The following SAMD11 variants were observed in gnomAD, a reference collection of about 807,000 sequenced individuals.
SAMD11 encodes the protein sterile alpha motif domain-containing protein 11.
SAMD11 carries 77 observed loss-of-function variants against 64.4 expected under a neutral mutation model. That is an observed-to-expected ratio of 1.20 (90% CI 0.99 to 1.44). SAMD11 has a LOEUF of 1.44. Ranked by LOEUF, SAMD11 falls within the 40% of genes most tolerant of loss-of-function variation. SAMD11 has a pLI of 0.00. For synonymous variants in SAMD11, 658 were observed against 421.9 expected (o/e 1.56, Z -6.86); for missense variants, 1,402 against 943.3 (o/e 1.49, Z -6.37).
intron 3 of SAMD11, among the ~76,000 whole-genome samples, 157 bp from the exon 4 acceptor site, chr1:930,882 C>T (rs1221870427): frequency 6.6e-6 from 1 of 152,280 alleles, no homozygotes; most frequent in South Asian, 2.1e-4. Flanking sequence ...GAGCCAGTAG[C>T]AGGTGGTGCT....
At chr1:927,388 C>T (rs1002836731) in intron 2 of SAMD11, among the ~76,000 whole-genome samples, 2 of 152,140 alleles carry the variant, frequency 1.3e-5, no homozygotes, top group Non-Finnish European at 2.9e-5. Flanking sequence ...CAGTCTCTTC[C>T]GACAGTGCTT....
chr1:924,319 G>A lies in SAMD11; in HGVS notation c.-113G>A, dbSNP rs1351137907. 8 of 149,586 alleles carry A rather than the reference G, an allele frequency of 5.3e-5. No homozygotes were observed. The highest frequency in any genetic ancestry group is 1.7e-4 in the African/African-American group (7 of 41,246). 9.3% of individuals were successfully genotyped at this position (149,586 alleles called of 1,614,324 possible). ...CGGGCGCCGGGGCGCACTAGCGGAC[G>A]GCGTGGGCGCGCGGCCAGGCGCCTC... is the stretch of plus-strand genomic sequence containing the variant. On this transcript the variant is annotated 5_prime_UTR_variant, in exon 1 of 14. Transcript: ENST00000616016.
chr1:937,176 G>A (rs993581294), intron 5 of SAMD11, among the ~76,000 whole-genome samples: 1 of 152,118 alleles, frequency 6.6e-6, no homozygotes, highest in Non-Finnish European at 1.5e-5. Flanking sequence ...CCTGGGGGGC[G>A]TTCACCTCTT....
At chr1:934,121 GGGGAGGCGGCTGCGTTACAGGTGGGCA>G in intron 4 of SAMD11, among the ~76,000 whole-genome samples, 1 of 174 alleles carries the variant, frequency 5.7e-3, no homozygotes, top group African/African-American at 7.1e-3. Context: ...CAGGTGGGCA[GGGGAGGCGGCTGCGTTACAGGTGGGCA>G]GGGGAGGCGG....
intron 5 of SAMD11, among the ~76,000 whole-genome samples, chr1:936,227 G>A (rs768074398): frequency 1.1e-4 from 17 of 151,998 alleles, no homozygotes; most frequent in South Asian, 4.1e-4. Context: ...CGCAGCGCAC[G>A]CATGACTGGT....
chr1:927,477 C>T (rs1392725120), intron 2 of SAMD11, among the ~76,000 whole-genome samples: 1 of 152,176 alleles, frequency 6.6e-6, no homozygotes, highest in African/African-American at 2.4e-5. Context: ...CCCTGCCCTG[C>T]GTGAGGGACG....
At chr1:926,675 G>A (rs1027292888) in intron 2 of SAMD11, among the ~76,000 whole-genome samples, 14 of 152,148 alleles carry the variant, frequency 9.2e-5, no homozygotes, top group African/African-American at 3.4e-4. Flanking sequence ...CGGGGATGCT[G>A]GGAGCTGCCT....
In SAMD11 at chr1:944,374, G is replaced by A. The variant is rs1028577797; in HGVS notation, c.*221G>A. ...ACGAGGTCTGCAGACGGAGGGCAGA[G>A]GTGGTGGAAGGGGCCAGGGGCCTGC... is the stretch of plus-strand genomic sequence containing the variant. On this transcript the variant is annotated 3_prime_UTR_variant, in exon 14 of 14. Transcript: ENST00000616016. 25 of 1,348,076 alleles carry A rather than the reference G, an allele frequency of 1.9e-5. No individual in the cohort carries two copies. The African/African-American group carries it at 3.2e-4, about 17-fold the overall frequency. 83.5% of individuals were successfully genotyped at this position (1,348,076 alleles called of 1,614,324 possible).
chr1:942,606 C>T lies in SAMD11; in HGVS notation c.1601C>T (p.Ala534Val), dbSNP rs565200175. The T allele has an allele frequency of 2.1e-6, 3 of 1,436,358 alleles. No homozygotes were observed. The highest frequency in any genetic ancestry group is 1.4e-5 in the South Asian group (1 of 72,300). 89.0% of individuals were successfully genotyped at this position (1,436,358 alleles called of 1,614,324 possible). A position where few individuals can be genotyped will look rare whatever the true frequency, so the allele number is the denominator to read the frequency against. ...DLLRQKELES[A>V]RPQLLAPETA... ...CTGCGGCAGAAGGAGCTGGAGAGCG[C>T]GCGCCCACAGCTGCTGGCGCCCGAG... The change falls in exon 11 of 14, where the codon GCG (alanine) becomes GTG (valine). Residue 534 changes from alanine to valine, a missense_variant. By Grantham distance (64) the Ala-to-Val change is moderately conservative. Transcript: ENST00000616016.
chr1:936,229 A>G (rs1641436866), intron 5 of SAMD11, among the ~76,000 whole-genome samples: 1 of 151,772 alleles, frequency 6.6e-6, no homozygotes, highest in South Asian at 2.1e-4. Flanking sequence ...CAGCGCACGC[A>G]TGACTGGTCC....
chr1:941,564 A>AC (rs907838122), intron 8 of SAMD11, among the ~76,000 whole-genome samples: 3 of 151,594 alleles, frequency 2.0e-5, no homozygotes, highest in Non-Finnish European at 4.4e-5. Flanking sequence ...CAAGTCTGGA[A>AC]CCCCGGGGTC....
chr1:943,076 C>T lies in SAMD11; in HGVS notation c.2053+18C>T, dbSNP rs755524266. 6.5e-7 allele frequency: 1 copy of T among 1,546,820 alleles called. No homozygotes were observed. Among genetic ancestry groups the T allele is most frequent in the Non-Finnish European group, 8.7e-7 (1 of 1,147,060 alleles). On this transcript the variant is annotated intron_variant, in intron 11 of 13. Transcript: ENST00000616016. ...CCACACAGGTGGGCACCCCCACACT[C>T]TAGATCCTTCCAGAGGGCACAGGAC...
intron 11 of SAMD11, 68 bp from the exon 12 acceptor site, chr1:943,185 C>G (rs548173587): frequency 1.9e-6 from 3 of 1,605,506 alleles, no homozygotes; most frequent in African/African-American, 1.3e-5. Context: ...TTGGGGCACA[C>G]GACGGTCAGG....
chr1:942,886 G>A lies in SAMD11; in HGVS notation c.1881G>A (p.Glu627=), dbSNP rs1557610701. The change falls in exon 11 of 14, where the codon GAG becomes GAA. Residue 627 remains glutamate, a synonymous_variant. Coordinates refer to ENST00000616016, the MANE Select transcript of SAMD11 (RefSeq NM_001385641.1). ...RLWAQDGSED[E]PPKDSDGEDP... is the part of the protein sequence containing the mutation. ...GGGCACAAGATGGCTCGGAAGACGA[G>A]CCCCCCAAAGACTCGGACGGAGAGG... 1.3e-6 allele frequency: 2 copies of A among 1,555,436 alleles called. No individual in the cohort carries two copies. The highest frequency in any genetic ancestry group is 1.2e-5 in the South Asian group (1 of 84,490).
chr1:939,077 T>C lies in SAMD11; in HGVS notation c.1005T>C (p.Arg335=), dbSNP rs144608636. ...GCAAGAGGCTGGGCCGCTCCCCCCG[T>C]ATCAGCAGCGACTGCTTTTCAGAGA... The part of the protein sequence containing the change: ...LLGKRLGRSP[R]ISSDCFSEKR... The change falls in exon 6 of 14, where the codon CGT becomes CGC. Residue 335 remains arginine, a synonymous_variant. Coordinates refer to ENST00000616016, the MANE Select transcript of SAMD11 (RefSeq NM_001385641.1). The C allele has an allele frequency of 4.4e-5, 71 of 1,606,036 alleles. No homozygotes were observed. The African/African-American group carries it at 9.0e-4, about 20-fold the overall frequency.
At chr1:943,587 C>A in intron 12 of SAMD11, 111 bp from the exon 13 acceptor site, 1 of 1,067,746 alleles carries the variant, frequency 9.4e-7, no homozygotes, top group African/African-American at 1.7e-5. Flanking sequence ...CCCAACAGAT[C>A]ACTGTTTTTA....
Position 944,067 on chromosome 1 carries a change from C to T in SAMD11, c.2449C>T (p.Leu817Phe), listed in dbSNP as rs1289885731. The change falls in exon 14 of 14, where the codon CTT (leucine) becomes TTT (phenylalanine). Residue 817 changes from leucine to phenylalanine, a missense_variant. Coordinates refer to ENST00000616016, the MANE Select transcript of SAMD11 (RefSeq NM_001385641.1). ...ATSPYGGGHA[L>F]AGQTSPKQEN... ...GTCCCCCTATGGAGGGGGCCACGCCCTTGCCGGTCAAACTTCACCCAAGCA... is the reference window on the plus strand; with the variant it reads ...GTCCCCCTATGGAGGGGGCCACGCCTTTGCCGGTCAAACTTCACCCAAGCA... The T allele has an allele frequency of 1.9e-6, 3 of 1,612,634 alleles. No individual in the cohort carries two copies. The highest frequency in any genetic ancestry group is 2.2e-5 in the East Asian group (1 of 44,866).
chr1:940,269 G>A (rs1024895302), intron 7 of SAMD11: 2 of 148,326 alleles, frequency 1.3e-5, no homozygotes, highest in African/African-American at 4.9e-5. Context: ...CCGCCGGGGA[G>A]CGCGCTGTCA....
chr1:929,194 C>G (rs889675779), intron 2 of SAMD11, among the ~76,000 whole-genome samples: 1 of 152,208 alleles, frequency 6.6e-6, no homozygotes, highest in Admixed American at 6.5e-5. Flanking sequence ...TGCAGGGTGC[C>G]GCGGGCACGT....
Sources: allele counts gnomAD v4.1 joint callset (sites outside exome capture counted in the v4.1 genomes callset), GRCh38; gene constraint gnomAD v4.1.1; transcripts MANE v1.5; gene names NCBI Gene and HGNC (gene_info 2026-07-23, HGNC 2026-07-21).